MACC1: variants seen among roughly 807,000 people sequenced by gnomAD.
MACC1 encodes metastasis-associated in colon cancer protein 1.
In MACC1, 79 loss-of-function variants were observed where a neutral mutation model predicts 70.7. The ratio of observed to expected loss-of-function variants is 1.12; its 90% CI spans 0.93 to 1.35. MACC1 has a LOEUF of 1.35. Ranked by LOEUF, MACC1 falls within the 40% of genes most tolerant of loss-of-function variation. The pLI is 0.00. For synonymous variants in MACC1, 361 were observed against 347.2 expected (o/e 1.04, Z -0.44); for missense variants, 1,106 against 978.1 (o/e 1.13, Z -1.74).
At chr7:20,210,344 G>T (rs1272737767) in intron 1 of MACC1, among the ~76,000 whole-genome samples, 1 of 152,044 alleles carries the variant, frequency 6.6e-6, no homozygotes, top group East Asian at 1.9e-4. Flanking sequence ...CACATCCACA[G>T]CCTAGGTTAG....
At chr7:20,169,845 T>C (rs898420880) in intron 2 of MACC1, among the ~76,000 whole-genome samples, 8 of 152,222 alleles carry the variant, frequency 5.3e-5, no homozygotes, top group Non-Finnish European at 1.0e-4. Flanking sequence ...TCAAATGAAA[T>C]ACTGTATAAA....
intron 1 of MACC1, among the ~76,000 whole-genome samples, chr7:20,192,576 C>T (rs1782688929): frequency 1.3e-5 from 2 of 152,178 alleles, no homozygotes; most frequent in African/African-American, 2.4e-5. Flanking sequence ...CTAAGAACTA[C>T]AGTCTATATT....
chr7:20,158,441 G>T lies in MACC1; in HGVS notation c.1920C>A (p.Val640=). The T allele has an allele frequency of 6.2e-7, 1 of 1,613,878 alleles. No individual in the cohort carries two copies. Among genetic ancestry groups the T allele is most frequent in the Non-Finnish European group, 8.5e-7 (1 of 1,179,970 alleles). Residue 640 remains valine, a synonymous_variant, in exon 5 of 7, where the codon GTC becomes GTA. Coordinates refer to ENST00000400331, the MANE Select transcript of MACC1 (RefSeq NM_182762.4). The part of the protein sequence containing the change: ...FTTRNLLEQI[V]LPLKKLTYIY... Reference sequence around the variant, plus strand: ...TATAAGTCAATTTTTTTAAAGGCAGGACAATCTGTTCAAGAAGATTTCTGG... The same window carrying T: ...TATAAGTCAATTTTTTTAAAGGCAGTACAATCTGTTCAAGAAGATTTCTGG...
At chr7:20,149,630 T>C (rs1201086356) in intron 6 of MACC1, among the ~76,000 whole-genome samples, 2 of 152,032 alleles carry the variant, frequency 1.3e-5, no homozygotes, top group Admixed American at 6.6e-5. Flanking sequence ...CTCCCCTCCA[T>C]TGATACCAAC....
At chr7:20,173,772 T>C (rs1278506578) in intron 1 of MACC1, among the ~76,000 whole-genome samples, 1 of 152,200 alleles carries the variant, frequency 6.6e-6, no homozygotes, top group Non-Finnish European at 1.5e-5. Context: ...TTCATTTAAA[T>C]GATGGTGCCA....
intron 1 of MACC1, among the ~76,000 whole-genome samples, chr7:20,176,697 G>T (rs944048610): frequency 2.0e-5 from 3 of 152,076 alleles, no homozygotes; most frequent in Admixed American, 1.3e-4. Flanking sequence ...GTGAGTAAAT[G>T]ATTTAAAGAA....
intron 1 of MACC1, among the ~76,000 whole-genome samples, chr7:20,188,096 A>G (rs1030518473): frequency 1.4e-4 from 21 of 152,184 alleles, no homozygotes; most frequent in Admixed American, 2.0e-4. Context: ...TAAAACCACA[A>G]GATCTCCTGA....
intron 2 of MACC1, among the ~76,000 whole-genome samples, chr7:20,166,200 T>C (rs1157860054): frequency 1.3e-5 from 2 of 152,214 alleles, no homozygotes; most frequent in African/African-American, 4.8e-5. Context: ...ATTTAACTCT[T>C]GATCTATGTG....
chr7:20,138,582 T>G lies in MACC1; in HGVS notation c.*2364A>C, dbSNP rs1338461949. On this transcript the variant is annotated 3_prime_UTR_variant, in exon 7 of 7. Transcript: ENST00000400331. ...TTTTCCTTCTCTCATAATTTATTTT[T>G]AATTAAAATAAATTCTGTCCTTGAA... 6.6e-6 allele frequency: 1 copy of G among 152,210 alleles called. No homozygotes were observed. Among genetic ancestry groups the G allele is most frequent in the Non-Finnish European group, 1.5e-5 (1 of 68,036 alleles). 9.4% of individuals were successfully genotyped at this position (152,210 alleles called of 1,614,324 possible). A position where few individuals can be genotyped will look rare whatever the true frequency, so the allele number is the denominator to read the frequency against.
intron 1 of MACC1, among the ~76,000 whole-genome samples, chr7:20,207,979 A>G (rs1175634636): frequency 6.6e-6 from 1 of 152,068 alleles, no homozygotes; most frequent in Non-Finnish European, 1.5e-5. Context: ...ATGCTGTTCT[A>G]ATGACAGTGA....
intron 1 of MACC1, among the ~76,000 whole-genome samples, chr7:20,182,229 A>G (rs1782520981): frequency 6.6e-6 from 1 of 151,680 alleles, no homozygotes. Context: ...ATTAGGAGAT[A>G]TACCTAATGT....
intron 1 of MACC1, among the ~76,000 whole-genome samples, chr7:20,193,936 T>G (rs1174496403): frequency 6.6e-6 from 1 of 152,108 alleles, no homozygotes; most frequent in Non-Finnish European, 1.5e-5. Context: ...AGAAAACATT[T>G]GCTATTTTAA....
chr7:20,173,284 A>G (rs1583395931), intron 1 of MACC1, among the ~76,000 whole-genome samples: 1 of 152,250 alleles, frequency 6.6e-6, no homozygotes, highest in Non-Finnish European at 1.5e-5. Flanking sequence ...GAAGATGCCC[A>G]TCCTTACCCT....
At chr7:20,153,046 T>G (rs1782003854) in intron 6 of MACC1, among the ~76,000 whole-genome samples, 2 of 152,188 alleles carry the variant, frequency 1.3e-5, no homozygotes, top group South Asian at 4.1e-4. Context: ...TATGCTTATT[T>G]ATAGGCTGTA....
At chr7:20,171,070 G>A (rs945525379) in intron 1 of MACC1, among the ~76,000 whole-genome samples, 1 of 152,108 alleles carries the variant, frequency 6.6e-6, no homozygotes, top group African/African-American at 2.4e-5. Context: ...TGTCAAAGCA[G>A]TGACTTGAAA....
At position 20,159,750 on chromosome 7, in the gene MACC1, C is replaced by A; in HGVS notation, c.611G>T (p.Trp204Leu). ...DLNTISQSPG[W>L]AQTQLAEVTI... ...GACCTCCGCAAGTTGTGTCTGGGCC[C>A]ATCCAGGGCTCTGACTAATTGTATT... The change falls in exon 5 of 7, where the codon TGG becomes TTG. Residue 204 changes from tryptophan (W) to leucine (L), a missense_variant. Coordinates refer to ENST00000400331, the MANE Select transcript of MACC1 (RefSeq NM_182762.4). 2.5e-6 allele frequency: 4 copies of A among 1,614,112 alleles called. No homozygotes were observed. Among genetic ancestry groups the A allele is most frequent in the Non-Finnish European group, 3.4e-6 (4 of 1,180,016 alleles).
chr7:20,178,892 G>A (rs572222378), intron 1 of MACC1, among the ~76,000 whole-genome samples: 1 of 152,270 alleles, frequency 6.6e-6, no homozygotes, highest in East Asian at 1.9e-4. Flanking sequence ...GAGCCATCAT[G>A]CCCAGCCCAG....
Position 20,161,400 on chromosome 7 carries a change from T to C in MACC1, c.115+348A>G, listed in dbSNP as rs185732285. On this transcript the variant is annotated intron_variant, in intron 4 of 6. Transcript: ENST00000400331. ...TTTCTTTAATACAATTACCCCTAAC[T>C]CTCTTAAAACTTACTTTTCCTCTGA... Among the ~76,000 whole-genome samples the C allele has an allele frequency of 3.0e-4, 45 of 152,158 alleles. 1 individual carries two copies. The East Asian group carries it at 8.7e-3, about 29-fold the overall frequency.
At chr7:20,191,214 C>T (rs1782667188) in intron 1 of MACC1, among the ~76,000 whole-genome samples, 1 of 152,134 alleles carries the variant, frequency 6.6e-6, no homozygotes, top group Non-Finnish European at 1.5e-5. Flanking sequence ...TGAAATAACC[C>T]AGCTATTAAC....
Sources: gnomAD v4.1 joint callset for allele counts (sites outside exome capture counted in the v4.1 genomes callset) on GRCh38, gnomAD v4.1.1 for gene constraint, MANE v1.5 for transcripts, NCBI Gene and HGNC (gene_info 2026-07-23, HGNC 2026-07-21) for gene names.